Variants in WDR87 observed in about 807,000 individuals in gnomAD.
WDR87 encodes the protein WD repeat domain 87, also known as WD repeat-containing protein 87.
A neutral mutation model predicts 83.3 loss-of-function variants in WDR87; 56 were observed. That is an observed-to-expected ratio of 0.67 (90% CI 0.54 to 0.84). The LOEUF is 0.84. Among genes scored for constraint, WDR87 ranks in the 40% least tolerant of loss-of-function variants. The probability of loss-of-function intolerance (pLI) is 0.00; values close to 1 mark genes in which losing one functional copy is unlikely to be tolerated. For missense variants in WDR87, 2,939 were observed against 3,431.9 expected (o/e 0.86, Z 3.59); for synonymous variants, 1,173 against 1,250.6 (o/e 0.94, Z 1.31).
Position 37,884,991 on chromosome 19 carries a change from G to A in WDR87, c.8680C>T (p.Pro2894Ser), listed in dbSNP as rs2046129571. The stretch of plus-strand genomic sequence containing the variant: ...TTGGTGAGATGAAGATCAGCTTCAG[G>A]CAGGCTCTTCCAGGCAAGTTCTAAG... ...GILELAWKSLPEADLHLTKAL... is the reference protein window; with the variant it reads ...GILELAWKSLSEADLHLTKAL... The change falls in exon 6 of 6, where the codon CCT (proline) becomes TCT (serine). Residue 2894 changes from proline to serine, a missense_variant. Pro to Ser is a moderately conservative substitution (Grantham distance 74). Transcript: ENST00000447313. 1.4e-6 allele frequency: 2 copies of A among 1,399,766 alleles called. No individual in the cohort carries two copies. The highest frequency in any genetic ancestry group is 1.9e-6 in the Non-Finnish European group (2 of 1,073,148). The allele number at this position is 1,399,766 out of a possible 1,614,324, so 86.7% of individuals were successfully genotyped here. A position where few individuals can be genotyped will look rare whatever the true frequency, so the allele number is the denominator to read the frequency against.
chr19:37,888,372 G>A lies in WDR87; in HGVS notation c.5299C>T (p.Leu1767=). 6.4e-7 allele frequency: 1 copy of A among 1,551,950 alleles called. No individual in the cohort carries two copies. The highest frequency in any genetic ancestry group is 8.7e-7 in the Non-Finnish European group (1 of 1,147,082). The change falls in exon 6 of 6, where the codon CTG becomes TTG. Residue 1767 remains leucine, a synonymous_variant. Transcript: ENST00000447313. The part of the protein sequence containing the change: ...LEELEWDMEE[L]SWKEEELNQE... ...TTCAGTTCCTCTTCTTTCCAAGACA[G>A]TTCTTCCATGTCCCATTCCAGTTCC...
intron 1 of WDR87, among the ~76,000 whole-genome samples, chr19:37,904,346 T>G (rs2046310484): frequency 6.6e-6 from 1 of 151,016 alleles, no homozygotes; most frequent in Non-Finnish European, 1.5e-5. Flanking sequence ...TGTCTTTCTT[T>G]TGTGTGTGTG....
chr19:37,902,472 C>G (rs1599774599), intron 1 of WDR87, among the ~76,000 whole-genome samples: 1 of 152,206 alleles, frequency 6.6e-6, no homozygotes, highest in African/African-American at 2.4e-5. Context: ...CCCGCCTCAG[C>G]CTCCCAAAGT....
Position 37,893,842 on chromosome 19 carries a change from A to G in WDR87, c.1861T>C (p.Phe621Leu), listed in dbSNP as rs752221900. The change falls in exon 4 of 6, where the codon TTT becomes CTT. Residue 621 changes from phenylalanine (F) to leucine (L), a missense_variant. Coordinates refer to ENST00000447313, the MANE Select transcript of WDR87 (RefSeq NM_001291088.2). ...GAGCCATCGGCAGAACCTGTGACAA[A>G]AAGACTCAAGGAGAGGCAGACATCA... ...SFDVCLSLSL[F>L]VTGSADGSVR... 2.4e-5 allele frequency: 37 copies of G among 1,551,754 alleles called. No homozygotes were observed. The highest frequency in any genetic ancestry group is 3.1e-5 in the Non-Finnish European group (36 of 1,147,036).
chr19:37,894,037 T>G lies in WDR87; in HGVS notation c.1666A>C (p.Ser556Arg), dbSNP rs2046231583. 6.4e-7 allele frequency: 1 copy of G among 1,551,962 alleles called. No individual in the cohort carries two copies. ...VQLRPLASILSSCHLTHLILL... is the reference protein window; with the variant it reads ...VQLRPLASILRSCHLTHLILL... ...ATCAGATGTGTTAGGTGACAGCTGC[T>G]GAGAATGCTGGCGAGAGGCCGCAGT... The change falls in exon 4 of 6, where the codon AGC (serine) becomes CGC (arginine). Residue 556 changes from serine to arginine, a missense_variant. Coordinates refer to ENST00000447313, the MANE Select transcript of WDR87 (RefSeq NM_001291088.2).
In WDR87 at chr19:37,886,860, T is replaced by A. The variant is rs569638684; in HGVS notation, c.6811A>T (p.Ser2271Cys). 1.9e-6 allele frequency: 3 copies of A among 1,551,490 alleles called. No homozygotes were observed. Among genetic ancestry groups the A allele is most frequent in the Admixed American group, 3.9e-5 (2 of 50,954 alleles). The change falls in exon 6 of 6, where the codon AGC (serine) becomes TGC (cysteine). Residue 2271 changes from serine to cysteine, a missense_variant. Ser to Cys is a moderately radical substitution (Grantham distance 112). Coordinates refer to ENST00000447313, the MANE Select transcript of WDR87 (RefSeq NM_001291088.2). Reference protein sequence around the residue: ...SEEHFSEEMESLLDELEKQES... With the variant: ...SEEHFSEEMECLLDELEKQES... Reference sequence around the variant, plus strand: ...TGCTTTTCTAGTTCATCTAACAGGCTTTCCATTTCTTCAGAAAAATGCTCT... The same window carrying A: ...TGCTTTTCTAGTTCATCTAACAGGCATTCCATTTCTTCAGAAAAATGCTCT...
Position 37,887,792 on chromosome 19 carries a change from T to C in WDR87, c.5879A>G (p.Asp1960Gly), listed in dbSNP as rs1231312259. ...TTTCTCCTGTTTTTTGGCCAAACTA[T>C]CCTCTACTTGGACCAATTTTTTCTC... The part of the protein sequence containing the change: ...ETEKKLVQVE[D>G]SLAKKQEKLA... The change falls in exon 6 of 6, where the codon GAT becomes GGT. Residue 1960 changes from aspartate (D) to glycine (G), a missense_variant. Transcript: ENST00000447313. 3 of 1,551,532 alleles carry C rather than the reference T, an allele frequency of 1.9e-6. No individual in the cohort carries two copies. Among genetic ancestry groups the C allele is most frequent in the East Asian group, 4.9e-5 (2 of 40,920 alleles).
rs1037086962 is a variant in WDR87, at chr19:37,892,800, T to A, written c.2903A>T (p.Asp968Val). The change falls in exon 4 of 6, where the codon GAT (aspartate) becomes GTT (valine). Residue 968 changes from aspartate (D) to valine (V), a missense_variant. By Grantham distance (152) the Asp-to-Val change is radical. Coordinates refer to ENST00000447313, the MANE Select transcript of WDR87 (RefSeq NM_001291088.2). ...GATCAGCGGGTTGGAATTGGTTGTA[T>A]CATTCAGTAGCCGACGGGCTGTCTC... ...RSETARRLLN[D>V]TTNSNPLIRE... The A allele has an allele frequency of 6.4e-7, 1 of 1,551,754 alleles. No homozygotes were observed. The highest frequency in any genetic ancestry group is 8.7e-7 in the Non-Finnish European group (1 of 1,147,008).
rs1049818016 is a variant in WDR87 at position 37,890,097 on chromosome 19, C to A, written c.3574G>T (p.Val1192Phe). 6.4e-6 allele frequency: 10 copies of A among 1,551,836 alleles called. No individual in the cohort carries two copies. The African/African-American group carries it at 1.4e-4, about 21-fold the overall frequency. ...GAGATATCTTTCTCTTGAGAATCAA[C>A]ATCTTTTGAGAGCTTTATTACACTG... ...STSVIKLSKD[V>F]DSQEKDISKD... The change falls in exon 6 of 6, where the codon GTT (valine) becomes TTT (phenylalanine). Residue 1192 changes from valine to phenylalanine, a missense_variant. Physicochemically the swap from Val to Phe is conservative, Grantham distance 50 (BLOSUM62 -1). Around this residue, in one of 3 missense-constraint regions of WDR87, gnomAD observed 2,160 missense variants for 2,533.1 expected, o/e 0.85. Coordinates refer to ENST00000447313, the MANE Select transcript of WDR87 (RefSeq NM_001291088.2).
chr19:37,892,628 C>T lies in WDR87; in HGVS notation c.3075G>A (p.Arg1025=), dbSNP rs371088500. ...TTTGGGTCAGCTGTAAGAGTGAGGT[C>T]CTAGAGTGGATTCCAATCTCAGCCA... ...SLMAEIGIHS[R]TSLLQLTQKQ... Residue 1025 remains arginine (R), a synonymous_variant, in exon 4 of 6, where the codon AGG becomes AGA. Transcript: ENST00000447313. 5.2e-5 allele frequency: 80 copies of T among 1,544,702 alleles called. 1 individual carries two copies. Among genetic ancestry groups the T allele is most frequent in the Middle Eastern group, 3.3e-4 (2 of 5,988 alleles).
intron 1 of WDR87, among the ~76,000 whole-genome samples, chr19:37,900,359 AG>A (rs1233791148): frequency 1.3e-5 from 2 of 151,862 alleles, no homozygotes; most frequent in East Asian, 1.9e-4. Flanking sequence ...CAGGAGTTCA[AG>A]AACCAGCCTG....
Position 37,887,834 on chromosome 19 carries a change from T to C in WDR87, c.5837A>G (p.Glu1946Gly), listed in dbSNP as rs777392259. The C allele has an allele frequency of 2.9e-5, 45 of 1,550,874 alleles. No individual in the cohort carries two copies. Among genetic ancestry groups the C allele is most frequent in the South Asian group, 2.7e-4 (23 of 83,794 alleles). ...QEKETVIKKK[E>G]KLAETEKKLV... ...TTTTTTCTCTGTTTCAGCCAGTTTC[T>C]CCTTCTTCTTGATCACAGTCTCCTT... is the stretch of plus-strand genomic sequence containing the variant. The change falls in exon 6 of 6, where the codon GAG (glutamate) becomes GGG (glycine). Residue 1946 changes from glutamate (E) to glycine (G), a missense_variant. Coordinates refer to ENST00000447313, the MANE Select transcript of WDR87 (RefSeq NM_001291088.2).
chr19:37,896,697 C>T (rs2046258686), intron 2 of WDR87, among the ~76,000 whole-genome samples: 1 of 152,164 alleles, frequency 6.6e-6, no homozygotes, highest in East Asian at 1.9e-4. Context: ...CAGCTCACTG[C>T]AACCTCTACC....
intron 4 of WDR87, 96 bp downstream of exon 4, chr19:37,892,479 ACAT>A (rs2046214208): frequency 8.7e-7 from 1 of 1,155,532 alleles, no homozygotes; most frequent in African/African-American, 1.6e-5. Context: ...GAAAGAAGAA[ACAT>A]CAGGGAGAAT....
Position 37,898,714 on chromosome 19 carries a change from G to A in WDR87, c.-46-429C>T, listed in dbSNP as rs566290813. On this transcript the variant is annotated intron_variant, in intron 1 of 5. Transcript: ENST00000447313. Reference sequence around the variant, plus strand: ...TCATGAACCAGGACAGACACTTAACGACTGTAAGTGACAGACACTTACGAC... The same window carrying A: ...TCATGAACCAGGACAGACACTTAACAACTGTAAGTGACAGACACTTACGAC... Among the ~76,000 whole-genome samples the A allele has an allele frequency of 2.0e-5, 3 of 152,306 alleles. No homozygotes were observed. The South Asian group carries it at 6.2e-4, about 32-fold the overall frequency.
In WDR87 at chr19:37,885,192, A is replaced by C. The variant is rs1005390060; in HGVS notation, c.8479T>G (p.Tyr2827Asp). The change falls in exon 6 of 6, where the codon TAC becomes GAC. Residue 2827 changes from tyrosine to aspartate, a missense_variant. Around this residue, in one of 3 missense-constraint regions of WDR87, gnomAD observed 2,160 missense variants for 2,533.1 expected, o/e 0.85. Transcript: ENST00000447313. The part of the protein sequence containing the change: ...REEPQPQEII[Y>D]EEALKATELV... Reference sequence around the variant, plus strand: ...TCTGTGGCTTTTAGGGCCTCTTCGTAGATGATCTCTTGGGGTTGAGGTTCC... The same window carrying C: ...TCTGTGGCTTTTAGGGCCTCTTCGTCGATGATCTCTTGGGGTTGAGGTTCC... 6.8e-7 allele frequency: 1 copy of C among 1,476,268 alleles called. No homozygotes were observed. The highest frequency in any genetic ancestry group is 1.4e-5 in the African/African-American group (1 of 70,280). 91.4% of individuals were successfully genotyped at this position (1,476,268 alleles called of 1,614,324 possible).
chr19:37,899,617 T>C (rs1158515403), intron 1 of WDR87, among the ~76,000 whole-genome samples: 2 of 151,680 alleles, frequency 1.3e-5, no homozygotes, highest in African/African-American at 4.8e-5. Context: ...TTTGTTTCTT[T>C]GTTTTGTTTT....
At position 37,888,953 on chromosome 19, in the gene WDR87, T is replaced by G; in HGVS notation, c.4718A>C (p.Lys1573Thr). ...VWENMLSSKS[K>T]EQQYKDEEEV... ...TTCCTCATCCTTGTACTGTTGCTCC[T>G]TGGACTTAGATGATAACATATTTTC... Residue 1573 changes from lysine to threonine, a missense_variant, in exon 6 of 6, where the codon AAG becomes ACG. Coordinates refer to ENST00000447313, the MANE Select transcript of WDR87 (RefSeq NM_001291088.2). 6.4e-7 allele frequency: 1 copy of G among 1,552,196 alleles called. No individual in the cohort carries two copies. The highest frequency in any genetic ancestry group is 2.4e-5 in the East Asian group (1 of 40,924).
In WDR87 at chr19:37,889,180, C is replaced by T. The variant is rs112833942; in HGVS notation, c.4491G>A (p.Gln1497=). The stretch of plus-strand genomic sequence containing the variant: ...ACTCATCCCAGGCCTTTTTCCAGTC[C>T]TGCCAAGATGGTGTCCTCTCAATCA... ...LVMIERTPSW[Q]DWKKAWDEWK... Residue 1497 remains glutamine (Q), a synonymous_variant, in exon 6 of 6, where the codon CAG becomes CAA. Coordinates refer to ENST00000447313, the MANE Select transcript of WDR87 (RefSeq NM_001291088.2). 9.7e-4 allele frequency: 1,505 copies of T among 1,552,288 alleles called. 13 individuals are homozygous for T. In the African/African-American group the frequency reaches 0.019, roughly 19 times the overall value.
Sources: allele counts gnomAD v4.1 joint callset (sites outside exome capture counted in the v4.1 genomes callset), GRCh38; gene constraint gnomAD v4.1.1; regional missense constraint gnomAD v4.1.1; transcripts MANE v1.5; gene names NCBI Gene and HGNC (gene_info 2026-07-23, HGNC 2026-07-21).